SLC1A2: variants seen among roughly 807,000 people sequenced by gnomAD.
SLC1A2 encodes solute carrier family 1 member 2.
Under a neutral mutation model 48.8 loss-of-function variants are expected in SLC1A2, and 15 were observed. The observed-to-expected ratio is 0.31, with a 90% CI of 0.21 to 0.47. SLC1A2 has a LOEUF of 0.47. SLC1A2 is among the 20% of genes least tolerant of loss of function. The pLI is 0.99. For missense variants in SLC1A2, 502 were observed against 730.5 expected, an observed-to-expected ratio of 0.69 and a Z score of 3.61; for synonymous variants, 279 against 272.6, an observed-to-expected ratio of 1.02 and a Z score of -0.23.
chr11:35,354,498 A>G (rs1237703750), intron 1 of SLC1A2, among the ~76,000 whole-genome samples: 3 of 152,106 alleles, frequency 2.0e-5, no homozygotes, highest in African/African-American at 4.8e-5. Context: ...TAAATAAAAA[A>G]TCCTGAAATC....
intron 1 of SLC1A2, among the ~76,000 whole-genome samples, chr11:35,335,571 A>AT (rs1852598146): frequency 6.6e-6 from 1 of 152,160 alleles, no homozygotes; most frequent in African/African-American, 2.4e-5. Flanking sequence ...TTAATTTGAG[A>AT]TTTTCCTTTG....
At position 35,397,598 on chromosome 11, in the gene SLC1A2, C is replaced by A. The variant is rs139480073; in HGVS notation, c.17+21352G>T. 4.1e-3 allele frequency among the ~76,000 whole-genome samples: 625 copies of A among 152,282 alleles called. 6 individuals are homozygous for A. Among genetic ancestry groups the A allele is most frequent in the African/African-American group, 0.014 (585 of 41,550 alleles). On this transcript the variant is annotated intron_variant, in intron 1 of 10. Transcript: ENST00000278379. ...ACCCTAGAAGAAAACCTAGGCATTA[C>A]CCTCCAAACTTCTTATGTTGAAATC...
At chr11:35,361,116 T>C (rs1853666073) in intron 1 of SLC1A2, among the ~76,000 whole-genome samples, 1 of 152,108 alleles carries the variant, frequency 6.6e-6, no homozygotes, top group Admixed American at 6.5e-5. Flanking sequence ...CCTCAAGTGA[T>C]TCACCTGCCT....
In SLC1A2 at chr11:35,256,613, T is replaced by G. The variant is rs1591392808; in HGVS notation, c.*4281A>C. 1.7e-5 allele frequency: 1 copy of G among 57,878 alleles called. No homozygotes were observed. Among genetic ancestry groups the G allele is most frequent in the Non-Finnish European group, 4.2e-5 (1 of 23,922 alleles). 3.6% of individuals were successfully genotyped at this position (57,878 alleles called of 1,614,324 possible). ...CTCACTCCAGAATTCCTTCAGGCTG[T>G]TTTTTTTTTAACTTAGTCTTCTTCT... On this transcript the variant is annotated 3_prime_UTR_variant, in exon 11 of 11. Transcript: ENST00000278379.
At chr11:35,365,970 C>T (rs908299913) in intron 1 of SLC1A2, among the ~76,000 whole-genome samples, 1 of 152,180 alleles carries the variant, frequency 6.6e-6, no homozygotes, top group Non-Finnish European at 1.5e-5. Flanking sequence ...GACAGGAATG[C>T]TGCTAAACAT....
chr11:35,366,222 C>A (rs985246193), intron 1 of SLC1A2, among the ~76,000 whole-genome samples: 5 of 152,196 alleles, frequency 3.3e-5, no homozygotes, highest in Non-Finnish European at 7.3e-5. Flanking sequence ...CGTCCTTTGC[C>A]ACGTGAATTC....
intron 1 of SLC1A2, among the ~76,000 whole-genome samples, chr11:35,355,038 A>T (rs1853407466): frequency 1.3e-5 from 2 of 152,248 alleles, no homozygotes; most frequent in African/African-American, 4.8e-5. Context: ...CCTATAAATG[A>T]TTACATTTAT....
chr11:35,414,041 ATCGAGTTCAT>A (rs1855539457), intron 1 of SLC1A2, among the ~76,000 whole-genome samples: 2 of 152,294 alleles, frequency 1.3e-5, no homozygotes, highest in African/African-American at 4.8e-5. Flanking sequence ...TAGCCATCAA[ATCGAGTTCAT>A]TCCCTTCATT....
chr11:35,418,631 C>A (rs1855685176), intron 1 of SLC1A2: 1 of 381,550 alleles, frequency 2.6e-6, no homozygotes, highest in East Asian at 5.7e-5. Context: ...TCACACTATG[C>A]CCAATCCCCT....
intron 1 of SLC1A2, among the ~76,000 whole-genome samples, chr11:35,400,751 T>C (rs1855112455): frequency 6.6e-6 from 1 of 152,218 alleles, no homozygotes; most frequent in Non-Finnish European, 1.5e-5. Flanking sequence ...AGAAGTCTTT[T>C]AGTGTTTACT....
chr11:35,365,728 A>C (rs1853821648), intron 1 of SLC1A2, among the ~76,000 whole-genome samples: 2 of 152,120 alleles, frequency 1.3e-5, no homozygotes, highest in Non-Finnish European at 2.9e-5. Context: ...TGGCCATTAC[A>C]GTTTATATGT....
rs550995083 is a variant in SLC1A2, at chr11:35,272,946, A to G, written c.1422-7188T>C. On this transcript the variant is annotated intron_variant, in intron 9 of 10. Transcript: ENST00000278379. ...AACAAGTACCAAGGTACTCTCTCTC[A>G]TCTTCATCTCTCAGTCTAAATCCTC... Among the ~76,000 whole-genome samples, 3 of 152,304 alleles carry G rather than the reference A, an allele frequency of 2.0e-5. No individual in the cohort carries two copies. The South Asian group carries it at 6.2e-4, about 32-fold the overall frequency.
rs1278847994 is a variant in SLC1A2, at chr11:35,252,796, A to G, written c.*8098T>C. The G allele has an allele frequency of 6.6e-6, 1 of 152,666 alleles. No homozygotes were observed. Among genetic ancestry groups the G allele is most frequent in the Non-Finnish European group, 1.5e-5 (1 of 68,050 alleles). 9.5% of individuals were successfully genotyped at this position (152,666 alleles called of 1,614,324 possible). ...AATACATCTATACACCATTTCACTG[A>G]AATTACACCTAGATACCTACATTAT... On this transcript the variant is annotated 3_prime_UTR_variant, in exon 11 of 11. Transcript: ENST00000278379.
intron 4 of SLC1A2, among the ~76,000 whole-genome samples, chr11:35,310,674 G>C (rs1851658873): frequency 6.6e-6 from 1 of 152,168 alleles, no homozygotes; most frequent in Non-Finnish European, 1.5e-5. Context: ...TTTTAGCTTA[G>C]ACTGCTTGGT....
intron 4 of SLC1A2, among the ~76,000 whole-genome samples, chr11:35,311,882 GA>G: frequency 1.5e-5 from 1 of 68,846 alleles, no homozygotes. Context: ...GAGAGAGAGA[GA>G]GAGAGAGAGG....
At chr11:35,415,521 C>T (rs1189947181) in intron 1 of SLC1A2, among the ~76,000 whole-genome samples, 2 of 152,212 alleles carry the variant, frequency 1.3e-5, no homozygotes, top group South Asian at 2.1e-4. Flanking sequence ...AGACCATAAG[C>T]CCCACATCCT....
intron 1 of SLC1A2, among the ~76,000 whole-genome samples, chr11:35,401,220 G>A (rs1002091799): frequency 3.9e-5 from 6 of 152,182 alleles, no homozygotes; most frequent in South Asian, 2.1e-4. Flanking sequence ...ACTTAAAAAT[G>A]TGTCAGACTC....
intron 1 of SLC1A2, among the ~76,000 whole-genome samples, chr11:35,399,293 C>T (rs1004574224): frequency 1.3e-5 from 2 of 152,094 alleles, no homozygotes; most frequent in Non-Finnish European, 1.5e-5. Context: ...CTGCAACTGC[C>T]TCCTAAGGCT....
chr11:35,380,336 T>G (rs1419111353), intron 1 of SLC1A2: 1 of 398,516 alleles, frequency 2.5e-6, no homozygotes, highest in Non-Finnish European at 4.4e-6. Flanking sequence ...GCTTTGCTTC[T>G]GAAAAATAAG....
Sources: gnomAD v4.1 joint callset for allele counts (sites outside exome capture counted in the v4.1 genomes callset) on GRCh38, gnomAD v4.1.1 for gene constraint, MANE v1.5 for transcripts, NCBI Gene and HGNC (gene_info 2026-07-23, HGNC 2026-07-21) for gene names.